The following DCAF8 variants were observed in gnomAD, a reference collection of about 807,000 sequenced individuals.
DCAF8 encodes the protein DDB1 and CUL4 associated factor 8.
A neutral mutation model predicts 68.0 loss-of-function variants in DCAF8; 20 were observed. That is an observed-to-expected ratio of 0.29 (90% CI 0.21 to 0.43). DCAF8 has a LOEUF of 0.43. Ranked by LOEUF, DCAF8 falls within the 20% of genes least tolerant of loss-of-function variation. DCAF8 has a pLI of 1.00. For missense variants in DCAF8, 460 were observed against 771.0 expected (o/e 0.60, Z 4.78); for synonymous variants, 230 against 276.9 (o/e 0.83, Z 1.68).
chr1:160,236,074 C>T (rs539120520), intron 6 of DCAF8, among the ~76,000 whole-genome samples: 1 of 147,334 alleles, frequency 6.8e-6, no homozygotes, highest in Non-Finnish European at 1.5e-5. Flanking sequence ...AATGGTGGGG[C>T]GGGGGTGACT....
At position 160,240,202 on chromosome 1, in the gene DCAF8, C is replaced by G. The variant is rs754038372; in HGVS notation, c.218G>C (p.Gly73Ala). The G allele has an allele frequency of 1.9e-6, 3 of 1,614,100 alleles. No individual in the cohort carries two copies. The East Asian group carries it at 6.7e-5, about 36-fold the overall frequency. Residue 73 changes from glycine to alanine, a missense_variant, in exon 4 of 14, where the codon GGT becomes GCT. By Grantham distance (60) the Gly-to-Ala change is moderately conservative. Coordinates refer to ENST00000368074, the MANE Select transcript of DCAF8 (RefSeq NM_015726.4). ...CATGCTGTCAGAGTCCTTATCTTCA[C>G]CTGAGCTCTCTGTGTCTGTGCCTCG... ...ESRGTDTESS[G>A]EDKDSDSMED...
chr1:160,224,425 T>C lies in DCAF8; in HGVS notation c.1309+17A>G, dbSNP rs755539970. On this transcript the variant is annotated intron_variant, in intron 10 of 13. Coordinates refer to ENST00000368074, the MANE Select transcript of DCAF8 (RefSeq NM_015726.4). The stretch of plus-strand genomic sequence containing the variant: ...CCAACAGGCTTGGGCCAAAGAAACC[T>C]AGGAAGACAGTCTCACCTGTGGCAT... 1.5e-5 allele frequency: 24 copies of C among 1,598,980 alleles called. 1 individual carries two copies. In the South Asian group the frequency reaches 2.6e-4, roughly 18 times the overall value.
intron 2 of DCAF8, among the ~76,000 whole-genome samples, chr1:160,258,988 C>A (rs1343360209): frequency 6.6e-6 from 1 of 152,134 alleles, no homozygotes; most frequent in Non-Finnish European, 1.5e-5. Flanking sequence ...CAATCTCAAC[C>A]CACCTCACCA....
At chr1:160,236,318 G>A (rs1011630842) in intron 6 of DCAF8, among the ~76,000 whole-genome samples, 2 of 150,912 alleles carry the variant, frequency 1.3e-5, no homozygotes, top group Admixed American at 6.6e-5. Context: ...ATATACGTGT[G>A]TGTATATAAA....
intron 7 of DCAF8, among the ~76,000 whole-genome samples, chr1:160,227,904 A>AT (rs960719340): frequency 6.6e-5 from 10 of 151,376 alleles, no homozygotes; most frequent in African/African-American, 2.2e-4. Context: ...ACTTTTAGTT[A>AT]TTTTTTTTGA....
At chr1:160,251,970 T>C (rs1266985952) in intron 2 of DCAF8, among the ~76,000 whole-genome samples, 1 of 152,190 alleles carries the variant, frequency 6.6e-6, no homozygotes, top group African/African-American at 2.4e-5. Context: ...AGAAACTGAA[T>C]GTTTCTGTAA....
intron 2 of DCAF8, among the ~76,000 whole-genome samples, chr1:160,257,648 A>T (rs1236978454): frequency 6.6e-6 from 1 of 152,186 alleles, no homozygotes; most frequent in Non-Finnish European, 1.5e-5. Context: ...GCTTTCTTTC[A>T]GCTCTCTGTA....
intron 12 of DCAF8, 105 bp downstream of exon 12, chr1:160,218,744 G>C (rs1655204364): frequency 1.3e-6 from 2 of 1,518,458 alleles, no homozygotes; most frequent in Non-Finnish European, 1.8e-6. Context: ...TGTTAGAGCA[G>C]TGCCTTTAAA....
At position 160,239,842 on chromosome 1, in the gene DCAF8, G is replaced by A; in HGVS notation, c.578C>T (p.Thr193Ile). ...AAAGTGCAGGGTATTGACACAACCA[G>A]TATGGCCCTCAAGCCCATGCTGCAG... The part of the protein sequence containing the change: ...FRLQHGLEGH[T>I]GCVNTLHFNQ... Residue 193 changes from threonine to isoleucine, a missense_variant, in exon 4 of 14, where the codon ACT becomes ATT. This residue lies in a region of DCAF8 where 170 missense variants were observed against 318.2 expected (regional missense o/e 0.53). Transcript: ENST00000368074. The A allele has an allele frequency of 6.2e-7, 1 of 1,614,258 alleles. No individual in the cohort carries two copies. The highest frequency in any genetic ancestry group is 8.5e-7 in the Non-Finnish European group (1 of 1,180,042).
rs1270203559 is a variant in DCAF8 at position 160,259,529 on chromosome 1, A to AG, written c.-27+1755_-27+1756insC. ...GCCTGGTGACAGAGCAAGACTCGTC[A>AG]AAAAACAAACAAACAAACAAAAAAA... is the stretch of plus-strand genomic sequence containing the variant. On this transcript the variant is annotated intron_variant, in intron 2 of 13. Coordinates refer to ENST00000368074, the MANE Select transcript of DCAF8 (RefSeq NM_015726.4). Among the ~76,000 whole-genome samples, 672 of 108,310 alleles carry AG rather than the reference A, an allele frequency of 6.2e-3. 5 individuals carry two copies. Among genetic ancestry groups the AG allele is most frequent in the African/African-American group, 0.028 (633 of 22,824 alleles). 71.1% of individuals were successfully genotyped at this position (108,310 alleles called of 152,430 possible). A position where few individuals can be genotyped will look rare whatever the true frequency, so the allele number is the denominator to read the frequency against.
At chr1:160,245,421 T>G (rs1472823782) in intron 2 of DCAF8, among the ~76,000 whole-genome samples, 1 of 152,212 alleles carries the variant, frequency 6.6e-6, no homozygotes, top group Admixed American at 6.5e-5. Context: ...TTCATTCCCA[T>G]GACAATTATT....
chr1:160,220,684 C>G (rs1655265268), intron 11 of DCAF8: 1 of 152,206 alleles, frequency 6.6e-6, no homozygotes, highest in Non-Finnish European at 1.5e-5. Context: ...CACCCCCAAC[C>G]CTTGTCCCTG....
intron 2 of DCAF8, among the ~76,000 whole-genome samples, chr1:160,252,098 C>T (rs1656621947): frequency 6.6e-6 from 1 of 152,164 alleles, no homozygotes; most frequent in Non-Finnish European, 1.5e-5. Flanking sequence ...CATTTTTATA[C>T]AAATCACAAG....
At chr1:160,233,678 T>C (rs1486545738) in intron 6 of DCAF8, among the ~76,000 whole-genome samples, 1 of 152,160 alleles carries the variant, frequency 6.6e-6, no homozygotes, top group East Asian at 1.9e-4. Context: ...ATACAAAAGT[T>C]ACCATGTGGA....
chr1:160,256,062 T>C (rs963552582), intron 2 of DCAF8, among the ~76,000 whole-genome samples: 1 of 147,736 alleles, frequency 6.8e-6, no homozygotes, highest in African/African-American at 2.5e-5. Context: ...TCTTGCTATG[T>C]TGCCAGCCTG....
At chr1:160,237,700 C>T (rs189020411) in intron 5 of DCAF8, among the ~76,000 whole-genome samples, 3 of 151,858 alleles carry the variant, frequency 2.0e-5, no homozygotes, top group Non-Finnish European at 2.9e-5. Flanking sequence ...CTAATTTTTT[C>T]GCTTTTTTTT....
At chr1:160,251,053 G>C (rs1018514538) in intron 2 of DCAF8, among the ~76,000 whole-genome samples, 4 of 152,102 alleles carry the variant, frequency 2.6e-5, no homozygotes, top group Admixed American at 2.6e-4. Context: ...TCTCAAACCA[G>C]TGCCTGCCTC....
chr1:160,219,811 G>A (rs576346423), intron 11 of DCAF8: 1 of 152,296 alleles, frequency 6.6e-6, no homozygotes, highest in South Asian at 2.1e-4. Flanking sequence ...CTAAGGGAAG[G>A]GCAGGGAAGT....
chr1:160,240,679 G>C lies in DCAF8; in HGVS notation c.50-309C>G, dbSNP rs543324960. On this transcript the variant is annotated intron_variant, in intron 3 of 13. Coordinates refer to ENST00000368074, the MANE Select transcript of DCAF8 (RefSeq NM_015726.4). ...TGGCATATTGTATAAAAGTGTGCCT[G>C]ATACATCTACCATTGGCTCTGTTGT... Among the ~76,000 whole-genome samples, 5 of 152,318 alleles carry C rather than the reference G, an allele frequency of 3.3e-5. No homozygotes were observed. In the East Asian group the frequency reaches 9.6e-4, roughly 29 times the overall value.
Sources: gnomAD v4.1 joint callset for allele counts (sites outside exome capture counted in the v4.1 genomes callset) on GRCh38, gnomAD v4.1.1 for gene constraint, gnomAD v4.1.1 regional missense constraint, MANE v1.5 for transcripts, NCBI Gene and HGNC (gene_info 2026-07-23, HGNC 2026-07-21) for gene names.